Variants in CD44 observed in about 807,000 individuals in gnomAD.
CD44 encodes the protein CD44 molecule (IN blood group), also known as CD44 antigen.
Under a neutral mutation model 88.8 loss-of-function variants are expected in CD44, and 49 were observed. The ratio of observed to expected loss-of-function variants is 0.55; its 90% CI spans 0.44 to 0.70. CD44 has a LOEUF of 0.70. Ranked by LOEUF, CD44 falls within the 30% of genes least tolerant of loss-of-function variation. The pLI is 0.00. For missense variants in CD44, 883 were observed against 913.8 expected (o/e 0.97, Z 0.43); for synonymous variants, 325 against 312.3 (o/e 1.04, Z -0.43).
intron 5 of CD44, among the ~76,000 whole-genome samples, chr11:35,191,223 A>G (rs1407589903): frequency 6.6e-6 from 1 of 152,226 alleles, no homozygotes; most frequent in Non-Finnish European, 1.5e-5. Flanking sequence ...CTTGTCACCC[A>G]GAAGCCAGGG....
chr11:35,139,349 C>T lies in CD44; in HGVS notation c.46C>T (p.Pro16Ser). The T allele has an allele frequency of 1.9e-6, 3 of 1,561,402 alleles. No individual in the cohort carries two copies. The highest frequency in any genetic ancestry group is 8.7e-7 in the Non-Finnish European group (1 of 1,152,388). ...CGCAGCCTGGGGACTCTGCCTCGTG[C>T]CGCTGAGCCTGGCGCAGATCGGTGA... ...WHAAWGLCLV[P>S]LSLAQIDLNI... Residue 16 changes from proline (P) to serine (S), a missense_variant, in exon 1 of 18, where the codon CCG becomes TCG. By Grantham distance (74) the Pro-to-Ser change is moderately conservative. Transcript: ENST00000428726.
chr11:35,206,117 T>C lies in CD44; in HGVS notation c.1288T>C (p.Ser430Pro). The C allele has an allele frequency of 6.2e-7, 1 of 1,609,248 alleles. No individual in the cohort carries two copies. Among genetic ancestry groups the C allele is most frequent in the Non-Finnish European group, 8.5e-7 (1 of 1,177,796 alleles). The change falls in exon 11 of 18, where the codon TCA becomes CCA. Residue 430 changes from serine to proline, a missense_variant. Ser to Pro is a moderately conservative substitution (Grantham distance 74). This residue lies in a region of CD44 where 631 missense variants were observed against 590.9 expected (regional missense o/e 1.07). Transcript: ENST00000428726. The part of the protein sequence containing the change: ...SHSTTGTAAA[S>P]AHTSHPMQGR... ...CTCAAACTGCATGGTCACAGCAGCC[T>C]CAGCTCATACCAGCCATCCAATGCA...
intron 1 of CD44, among the ~76,000 whole-genome samples, chr11:35,139,831 A>G (rs1415760768): frequency 6.6e-6 from 1 of 152,206 alleles, no homozygotes; most frequent in Non-Finnish European, 1.5e-5. Context: ...CACAGAAGGG[A>G]TCACAATTCC....
Position 35,229,615 on chromosome 11 carries a change from G to A in CD44, c.*282G>A, listed in dbSNP as rs753809076. 7.5e-6 allele frequency: 3 copies of A among 401,208 alleles called. No homozygotes were observed. Among genetic ancestry groups the A allele is most frequent in the African/African-American group, 2.0e-5 (1 of 49,550 alleles). 24.9% of individuals were successfully genotyped at this position (401,208 alleles called of 1,614,324 possible). A position where few individuals can be genotyped will look rare whatever the true frequency, so the allele number is the denominator to read the frequency against. ...GCCTTTCATCCCTCGGGTGTGCTAT[G>A]GATGGCTTCTAACAAAAACTACACA... On this transcript the variant is annotated 3_prime_UTR_variant, in exon 18 of 18. Coordinates refer to ENST00000428726, the MANE Select transcript of CD44 (RefSeq NM_000610.4).
chr11:35,204,497 A>T lies in CD44; in HGVS notation c.1154-15A>T. The stretch of plus-strand genomic sequence containing the variant: ...AATAGACAATTATGTCTCCCAACTG[A>T]TATTCTTCTCACAGTCCAGGCAACT... On this transcript the variant is annotated splice_polypyrimidine_tract_variant and intron_variant, in intron 9 of 17. Coordinates refer to ENST00000428726, the MANE Select transcript of CD44 (RefSeq NM_000610.4). 1 of 1,612,294 alleles carries T rather than the reference A, an allele frequency of 6.2e-7. No homozygotes were observed. The highest frequency in any genetic ancestry group is 8.5e-7 in the Non-Finnish European group (1 of 1,178,926).
chr11:35,211,101 T>C (rs1157066543), intron 13 of CD44, 145 bp from the exon 14 acceptor site: 7 of 648,624 alleles, frequency 1.1e-5, no homozygotes, highest in South Asian at 3.6e-5. Flanking sequence ...TTCTGTTCAA[T>C]AGTATGACAA....
chr11:35,139,528 C>T (rs1857472267), intron 1 of CD44, 158 bp downstream of exon 1: 3 of 782,884 alleles, frequency 3.8e-6, no homozygotes, highest in Admixed American at 3.4e-5. Flanking sequence ...GGGATTTGCG[C>T]TAAACCGTTG....
At chr11:35,164,024 C>T (rs950817788) in intron 1 of CD44, among the ~76,000 whole-genome samples, 19 of 151,942 alleles carry the variant, frequency 1.3e-4, no homozygotes, top group African/African-American at 4.4e-4. Flanking sequence ...TGTGAAGTAC[C>T]GAGCACAGAG....
In CD44 at chr11:35,229,339, A is replaced by G. The variant is rs193274645; in HGVS notation, c.*6A>G. 3 of 1,579,668 alleles carry G rather than the reference A, an allele frequency of 1.9e-6. No homozygotes were observed. The Admixed American group carries it at 5.0e-5, about 26-fold the overall frequency. ...ACATGAAGATTGGGGTGTAACACCT[A>G]CACCATTATCTTGGAAAGAAACAAC... On this transcript the variant is annotated 3_prime_UTR_variant, in exon 18 of 18. Coordinates refer to ENST00000428726, the MANE Select transcript of CD44 (RefSeq NM_000610.4).
At chr11:35,141,351 C>T (rs1030362471) in intron 1 of CD44, among the ~76,000 whole-genome samples, 1 of 152,100 alleles carries the variant, frequency 6.6e-6, no homozygotes, top group Non-Finnish European at 1.5e-5. Flanking sequence ...GACTCTAGGC[C>T]TTAGGGAAAG....
At position 35,189,870 on chromosome 11, in the gene CD44, A is replaced by G. The variant is rs756572090; in HGVS notation, c.472A>G (p.Lys158Glu). Residue 158 changes from lysine to glutamate, a missense_variant, in exon 5 of 18, where the codon AAA becomes GAA. Around this residue, in one of 2 missense-constraint regions of CD44, gnomAD observed 252 missense variants for 322.9 expected, o/e 0.78. Transcript: ENST00000428726. ...VNRDGTRYVQ[K>E]GEYRTNPEDI... ...CCGTGATGGCACCCGCTATGTCCAG[A>G]AAGGAGAATACAGAACGAATCCTGA... 1.9e-6 allele frequency: 3 copies of G among 1,613,998 alleles called. No homozygotes were observed. The South Asian group carries it at 3.3e-5, about 18-fold the overall frequency.
chr11:35,225,954 A>G (rs1157512997), intron 17 of CD44, among the ~76,000 whole-genome samples: 2 of 152,254 alleles, frequency 1.3e-5, no homozygotes, highest in Non-Finnish European at 2.9e-5. Flanking sequence ...TACATAATGA[A>G]GAAGCTGGGC....
In CD44 at chr11:35,180,364, A is replaced by G. The variant is rs2133718500; in HGVS notation, c.324A>G (p.Thr108=). The part of the protein sequence containing the change: ...AANNTGVYIL[T]SNTSQYDTYC... The stretch of plus-strand genomic sequence containing the variant: ...ACAACACAGGGGTGTACATCCTCAC[A>G]TCCAACACCTCCCAGTATGACACAT... The change falls in exon 3 of 18, where the codon ACA becomes ACG. Residue 108 remains threonine, a synonymous_variant. Coordinates refer to ENST00000428726, the MANE Select transcript of CD44 (RefSeq NM_000610.4). 6.2e-7 allele frequency: 1 copy of G among 1,614,130 alleles called. No homozygotes were observed. Among genetic ancestry groups the G allele is most frequent in the Non-Finnish European group, 8.5e-7 (1 of 1,179,988 alleles).
chr11:35,206,023 A>G (rs757877441), intron 10 of CD44, 89 bp from the exon 11 acceptor site: 171 of 1,436,452 alleles, frequency 1.2e-4, no homozygotes, highest in Non-Finnish European at 1.5e-4. Context: ...TTGTCTAGAG[A>G]ATAAAGTCTT....
chr11:35,182,841 T>C (rs1428239175), intron 3 of CD44, among the ~76,000 whole-genome samples: 1 of 152,320 alleles, frequency 6.6e-6, no homozygotes, highest in East Asian at 1.9e-4. Flanking sequence ...TGTAGTTGCA[T>C]ACCCACATTG....
intron 15 of CD44, among the ~76,000 whole-genome samples, chr11:35,216,307 C>G (rs529748518): frequency 6.6e-6 from 1 of 152,212 alleles, no homozygotes; most frequent in Admixed American, 6.5e-5. Flanking sequence ...CCAGTGCTGC[C>G]TTACTGTGGT....
At chr11:35,208,032 G>A in intron 11 of CD44, 73 bp from the exon 12 acceptor site, 1 of 865,768 alleles carries the variant, frequency 1.2e-6, no homozygotes, top group South Asian at 1.3e-5. Context: ...AAAAAAATCA[G>A]CTGTAGACCA....
intron 3 of CD44, among the ~76,000 whole-genome samples, chr11:35,184,179 T>C (rs1213841271): frequency 2.6e-5 from 4 of 152,340 alleles, no homozygotes; most frequent in South Asian, 2.1e-4. Context: ...AGCATGAGTC[T>C]GTTAATTGCA....
intron 15 of CD44, among the ~76,000 whole-genome samples, chr11:35,217,653 A>G (rs895192917): frequency 8.5e-5 from 13 of 152,258 alleles, no homozygotes; most frequent in African/African-American, 3.1e-4. Context: ...AACAAGAGCC[A>G]TCCTGTCCCC....
Sources: allele counts gnomAD v4.1 joint callset (sites outside exome capture counted in the v4.1 genomes callset), GRCh38; gene constraint gnomAD v4.1.1; regional missense constraint gnomAD v4.1.1; transcripts MANE v1.5; gene names NCBI Gene and HGNC (gene_info 2026-07-23, HGNC 2026-07-21).